REPS1: variants seen among roughly 807,000 people sequenced by gnomAD.
REPS1 encodes the protein ralBP1-associated Eps domain-containing protein 1.
Under a neutral mutation model 100.9 loss-of-function variants are expected in REPS1, and 39 were observed. That is an observed-to-expected ratio of 0.39 (90% CI 0.30 to 0.50). The LOEUF (loss-of-function observed/expected upper bound fraction) is 0.50. REPS1 is among the 20% of genes least tolerant of loss of function. The pLI is 0.86. For missense variants in REPS1, 821 were observed against 968.5 expected (o/e 0.85, Z 2.02); for synonymous variants, 324 against 340.3 (o/e 0.95, Z 0.53).
chr6:138,932,036 A>G (rs1296108375), intron 8 of REPS1, among the ~76,000 whole-genome samples: 2 of 152,180 alleles, frequency 1.3e-5, no homozygotes, highest in Admixed American at 1.3e-4. Flanking sequence ...GCAATCTGCA[A>G]GTCCTGGTTG....
chr6:138,962,429 AGC>A (rs1783794724), intron 1 of REPS1, among the ~76,000 whole-genome samples: 1 of 151,928 alleles, frequency 6.6e-6, no homozygotes, highest in Non-Finnish European at 1.5e-5. Context: ...AAAATATAAT[AGC>A]TTTATATAAG....
At chr6:138,935,856 C>CGGGGGGGGGGGGGGGGG (rs1449985583) in intron 8 of REPS1, among the ~76,000 whole-genome samples, 1 of 2,194 alleles carries the variant, frequency 4.6e-4, no homozygotes, top group African/African-American at 8.3e-4. Context: ...TCCATCTTGG[C>CGGGGGGGGGGGGGGGGG]GGGGGGGGGG....
chr6:138,960,787 C>G (rs1176324676), intron 1 of REPS1, among the ~76,000 whole-genome samples: 3 of 152,134 alleles, frequency 2.0e-5, no homozygotes, highest in Non-Finnish European at 2.9e-5. Context: ...GAAACCACAT[C>G]AAGAAACTTT....
chr6:138,967,917 G>GA (rs1194391879), intron 1 of REPS1, among the ~76,000 whole-genome samples: 2 of 152,078 alleles, frequency 1.3e-5, no homozygotes, highest in East Asian at 3.9e-4. Context: ...AACACAGGAA[G>GA]AAAAAAACTA....
Position 138,912,908 on chromosome 6 carries a change from G to A in REPS1, c.1828C>T (p.Leu610Phe), listed in dbSNP as rs1342759158. The change falls in exon 16 of 20, where the codon CTC becomes TTC. Residue 610 changes from leucine (L) to phenylalanine (F), a missense_variant. Leu to Phe is a conservative substitution (Grantham distance 22). This residue lies in a region of REPS1 where 757 missense variants were observed against 866.4 expected (regional missense o/e 0.87). Transcript: ENST00000450536. ...AVHRPVDADG[L>F]ITHTSTSPQQ... ...GGTGAGGTACTAGTGTGAGTTATGA[G>A]GCCATCGGCATCCACTGGGCGATGC... 1.2e-6 allele frequency: 2 copies of A among 1,614,088 alleles called. No individual in the cohort carries two copies. The highest frequency in any genetic ancestry group is 1.7e-6 in the Non-Finnish European group (2 of 1,179,992).
chr6:138,957,718 C>T (rs1783487013), intron 1 of REPS1, among the ~76,000 whole-genome samples: 2 of 152,162 alleles, frequency 1.3e-5, no homozygotes, highest in South Asian at 4.1e-4. Context: ...GGAAGAAGAA[C>T]TCAACGGCTA....
intron 9 of REPS1, chr6:138,927,801 C>T (rs182638724): frequency 6.6e-6 from 1 of 152,176 alleles, no homozygotes. Context: ...TTACTTTTAT[C>T]ATGCGGCATC....
At chr6:138,939,841 T>A (rs1396419235) in intron 8 of REPS1, among the ~76,000 whole-genome samples, 1 of 150,662 alleles carries the variant, frequency 6.6e-6, no homozygotes, top group African/African-American at 2.5e-5. Flanking sequence ...TCAGCTCAAG[T>A]CAGAGGCTGA....
intron 1 of REPS1, among the ~76,000 whole-genome samples, chr6:138,957,090 C>T (rs1013718363): frequency 6.6e-6 from 1 of 151,260 alleles, no homozygotes; most frequent in Non-Finnish European, 1.5e-5. Flanking sequence ...AAAATAAGGT[C>T]TACAAATACA....
chr6:138,907,297 T>TAAA, intron 19 of REPS1, 198 bp downstream of exon 19: 7 of 170,200 alleles, frequency 4.1e-5, no homozygotes, highest in South Asian at 1.1e-4. Flanking sequence ...CGTGTCTCTT[T>TAAA]AAAAAAAAAA....
intron 1 of REPS1, among the ~76,000 whole-genome samples, chr6:138,982,652 A>G (rs1424443931): frequency 1.3e-5 from 2 of 152,230 alleles, no homozygotes; most frequent in Admixed American, 6.5e-5. Flanking sequence ...ATTAAATCCT[A>G]TGAGCCAGAT....
chr6:138,966,643 T>G (rs1784040658), intron 1 of REPS1, among the ~76,000 whole-genome samples: 1 of 152,198 alleles, frequency 6.6e-6, no homozygotes, highest in Non-Finnish European at 1.5e-5. Context: ...GGGATCATAT[T>G]TGCCCAGTAG....
intron 1 of REPS1, among the ~76,000 whole-genome samples, chr6:138,957,629 C>G (rs566950544): frequency 6.6e-6 from 1 of 152,216 alleles, no homozygotes; most frequent in African/African-American, 2.4e-5. Flanking sequence ...AGCTATGCAA[C>G]CGGCCTACAG....
At chr6:138,923,445 T>C (rs1171079641) in intron 10 of REPS1, among the ~76,000 whole-genome samples, 4 of 152,230 alleles carry the variant, frequency 2.6e-5, no homozygotes, top group African/African-American at 7.2e-5. Flanking sequence ...ATTCGACGTA[T>C]GTGTATGTGT....
chr6:138,946,876 T>C (rs1001812025), intron 2 of REPS1, among the ~76,000 whole-genome samples: 2 of 152,212 alleles, frequency 1.3e-5, no homozygotes, highest in Non-Finnish European at 2.9e-5. Flanking sequence ...CACTTCGATA[T>C]GGTTTGACTC....
At chr6:138,949,684 C>T (rs920700213) in intron 1 of REPS1, among the ~76,000 whole-genome samples, 1 of 151,598 alleles carries the variant, frequency 6.6e-6, no homozygotes, top group Non-Finnish European at 1.5e-5. Context: ...CGAGATCATG[C>T]CACTGCCCTC....
intron 1 of REPS1, among the ~76,000 whole-genome samples, chr6:138,972,256 G>T (rs1188299466): frequency 6.6e-6 from 1 of 152,174 alleles, no homozygotes; most frequent in East Asian, 1.9e-4. Flanking sequence ...AAAGTGAGGA[G>T]AGAGTCCTGT....
intron 8 of REPS1, among the ~76,000 whole-genome samples, chr6:138,931,379 C>CT (rs1216063704): frequency 6.6e-6 from 1 of 152,080 alleles, no homozygotes; most frequent in Non-Finnish European, 1.5e-5. Context: ...CTTCATTCAC[C>CT]TTTACTGCCA....
chr6:138,906,432 C>G (rs1247084649), intron 19 of REPS1, among the ~76,000 whole-genome samples: 11 of 152,104 alleles, frequency 7.2e-5, no homozygotes, highest in Non-Finnish European at 1.3e-4. Flanking sequence ...GTGTCTTGGC[C>G]TAAATGATAG....
Sources: allele counts gnomAD v4.1 joint callset (sites outside exome capture counted in the v4.1 genomes callset), GRCh38; gene constraint gnomAD v4.1.1; regional missense constraint gnomAD v4.1.1; transcripts MANE v1.5; gene names NCBI Gene and HGNC (gene_info 2026-07-23, HGNC 2026-07-21).